The following BRWD3 variants were observed in gnomAD, a reference collection of about 807,000 sequenced individuals.
BRWD3 encodes the protein bromodomain and WD repeat-containing protein 3.
Under a neutral mutation model 149.7 loss-of-function variants are expected in BRWD3, and 10 were observed. The observed-to-expected ratio is 0.07, with a 90% CI of 0.04 to 0.11. BRWD3 has a LOEUF of 0.11. Among genes scored for constraint, BRWD3 ranks in the 10% least tolerant of loss-of-function variants. The pLI is 1.00. For missense variants in BRWD3, 940 were observed against 1,373.2 expected (o/e 0.68, Z 4.99); for synonymous variants, 504 against 456.7 (o/e 1.10, Z -1.32).
chrX:80,805,949 AC>A (rs2074345077), intron 4 of BRWD3, among the ~76,000 whole-genome samples: 1 of 111,938 alleles, frequency 8.9e-6, no homozygotes, highest in African/African-American at 3.3e-5. Flanking sequence ...AAAGAAAAAA[AC>A]AAAAACACCT....
At chrX:80,740,884 C>T (rs749719908) in intron 8 of BRWD3, among the ~76,000 whole-genome samples, 1 of 110,940 alleles carries the variant, frequency 9.0e-6, no homozygotes, top group Non-Finnish European at 1.9e-5. Flanking sequence ...CAAGGTATGC[C>T]AATATTCAAG....
chrX:80,710,376 T>G (rs1044266385), intron 20 of BRWD3: 26 of 336,916 alleles, frequency 7.7e-5, no homozygotes, highest in African/African-American at 6.4e-4. Flanking sequence ...CTGACTATTT[T>G]GACTACAGAG....
intron 22 of BRWD3, 149 bp from the exon 23 acceptor site, chrX:80,704,995 C>T (rs780359957): frequency 7.1e-6 from 4 of 563,569 alleles, no homozygotes; most frequent in Non-Finnish European, 1.1e-5. Context: ...CATCCAGGCA[C>T]GGTGGCTCAC....
chrX:80,785,163 C>T (rs189809801), intron 6 of BRWD3, among the ~76,000 whole-genome samples: 52 of 112,088 alleles, frequency 4.6e-4, no homozygotes, highest in African/African-American at 1.7e-3. Context: ...AACAATACCA[C>T]AAATATTAAT....
chrX:80,808,449 C>T (rs1436003733), intron 4 of BRWD3, 90 bp downstream of exon 4: 37 of 620,099 alleles, frequency 6.0e-5, no homozygotes, highest in Non-Finnish European at 7.9e-5. Flanking sequence ...AGAACCTCGT[C>T]GGCTGAGAGG....
rs149638650 is a variant in BRWD3 at position 80,804,640 on chromosome X, T to G, written c.180+3899A>C. Among the ~76,000 whole-genome samples, 13 of 112,149 alleles carry G rather than the reference T, an allele frequency of 1.2e-4. 1 individual carries two copies. The highest frequency in any genetic ancestry group is 2.3e-4 in the Non-Finnish European group (12 of 53,294). Reference sequence around the variant, plus strand: ...TCACCATTTCAATATATAAAACTTATAGATTAACAAGAACTGTTCATTTAA... The same window carrying G: ...TCACCATTTCAATATATAAAACTTAGAGATTAACAAGAACTGTTCATTTAA... On this transcript the variant is annotated intron_variant, in intron 4 of 40. Transcript: ENST00000373275.
chrX:80,677,917 GAAGA>G (rs2072386810), intron 40 of BRWD3, among the ~76,000 whole-genome samples: 1 of 111,927 alleles, frequency 8.9e-6, no homozygotes, highest in African/African-American at 3.2e-5. Flanking sequence ...GGTAGTATTA[GAAGA>G]AATAACTGAA....
intron 8 of BRWD3, among the ~76,000 whole-genome samples, chrX:80,741,563 C>A (rs1297490815): frequency 9.0e-6 from 1 of 111,651 alleles, no homozygotes; most frequent in Non-Finnish European, 1.9e-5. Context: ...ATATCCTCTC[C>A]AGCACCTGTT....
intron 15 of BRWD3, among the ~76,000 whole-genome samples, chrX:80,724,557 C>T (rs186981792): frequency 9.0e-6 from 1 of 111,572 alleles, no homozygotes; most frequent in African/African-American, 3.2e-5. Context: ...TTTCTGATTA[C>T]TAAATCATAT....
At chrX:80,714,561 T>C (rs2073048535) in intron 20 of BRWD3, among the ~76,000 whole-genome samples, 2 of 111,669 alleles carry the variant, frequency 1.8e-5, no homozygotes, top group African/African-American at 6.5e-5. Context: ...CAAACCAGTG[T>C]ACATTTTACA....
At chrX:80,746,632 T>C (rs1374831031) in intron 6 of BRWD3, among the ~76,000 whole-genome samples, 2 of 111,374 alleles carry the variant, frequency 1.8e-5, no homozygotes, top group Non-Finnish European at 3.8e-5. Flanking sequence ...AAACATAGGC[T>C]CCCTATAACT....
chrX:80,689,715 C>CTTCAA (rs1205609605), intron 33 of BRWD3, 53 bp downstream of exon 33: 3 of 1,047,426 alleles, frequency 2.9e-6, no homozygotes, highest in Non-Finnish European at 4.0e-6. Context: ...TAATACTGTA[C>CTTCAA]TTCAAATAAG....
intron 20 of BRWD3, among the ~76,000 whole-genome samples, chrX:80,711,940 T>C (rs1045979672): frequency 3.6e-5 from 4 of 111,925 alleles, no homozygotes; most frequent in African/African-American, 9.7e-5. Flanking sequence ...GGACTACTTC[T>C]TGAGACTGTG....
chrX:80,731,880 G>A, intron 12 of BRWD3, among the ~76,000 whole-genome samples: 1 of 84,024 alleles, frequency 1.2e-5, no homozygotes, highest in African/African-American at 4.9e-5. Context: ...GGGTGACAGA[G>A]CGAGACTCTG....
In BRWD3 at chrX:80,727,225, A is replaced by G. The variant is rs151314177; in HGVS notation, c.1386+1527T>C. Among the ~76,000 whole-genome samples the G allele has an allele frequency of 6.3e-5, 7 of 111,405 alleles. No individual in the cohort carries two copies. In the East Asian group the frequency reaches 1.7e-3, roughly 27 times the overall value. ...GGCTACTATCAGACTCCTATAATCTATCTGCAGTCACTCTTAGCCCATTCC... is the reference window on the plus strand; with the variant it reads ...GGCTACTATCAGACTCCTATAATCTGTCTGCAGTCACTCTTAGCCCATTCC... On this transcript the variant is annotated intron_variant, in intron 14 of 40. Transcript: ENST00000373275.
chrX:80,686,579 G>A (rs1278061927), intron 35 of BRWD3, among the ~76,000 whole-genome samples: 2 of 110,647 alleles, frequency 1.8e-5, no homozygotes, highest in African/African-American at 6.5e-5. Flanking sequence ...AGGTGTATTC[G>A]AGGTTAGTAA....
chrX:80,806,234 G>A (rs1214589314), intron 4 of BRWD3, among the ~76,000 whole-genome samples: 1 of 110,440 alleles, frequency 9.1e-6, no homozygotes, highest in Non-Finnish European at 1.9e-5. Context: ...CTCTGTGTAC[G>A]TAAAAAAAAT....
intron 8 of BRWD3, among the ~76,000 whole-genome samples, chrX:80,739,249 G>A (rs892555474): frequency 9.0e-6 from 1 of 111,624 alleles, no homozygotes; most frequent in Non-Finnish European, 1.9e-5. Flanking sequence ...AAGATAAAAG[G>A]GATGATCTAC....
chrX:80,735,043 T>C (rs2073384082), intron 10 of BRWD3, 84 bp downstream of exon 10: 4 of 831,603 alleles, frequency 4.8e-6, no homozygotes, highest in Non-Finnish European at 7.2e-6. Context: ...CACTCAAATG[T>C]GTATCTTTTT....
Sources: allele counts gnomAD v4.1 joint callset (sites outside exome capture counted in the v4.1 genomes callset), GRCh38; gene constraint gnomAD v4.1.1; transcripts MANE v1.5; gene names NCBI Gene and HGNC (gene_info 2026-07-23, HGNC 2026-07-21).